The following EWSR1 variants were observed in gnomAD, a reference collection of about 807,000 sequenced individuals.
The protein encoded by EWSR1 is EWS RNA binding protein 1, also known as RNA-binding protein EWS.
In EWSR1, 14 loss-of-function variants were observed where a neutral mutation model predicts 92.1. That is an observed-to-expected ratio of 0.15 (90% CI 0.10 to 0.24). The LOEUF is 0.24. Among genes scored for constraint, EWSR1 ranks in the 10% least tolerant of loss-of-function variants. The pLI is 1.00. For synonymous variants in EWSR1, 303 were observed against 292.9 expected, an observed-to-expected ratio of 1.03 and a Z score of -0.35; for missense variants, 637 against 870.9, an observed-to-expected ratio of 0.73 and a Z score of 3.38.
At chr22:29,275,883 A>G (rs527874248) in intron 4 of EWSR1, 1 of 230,836 alleles carries the variant, frequency 4.3e-6, no homozygotes, top group South Asian at 1.8e-4. Context: ...GTCAGCACAT[A>G]GTAGGTGTGT....
chr22:29,280,769 G>A (rs985474889), intron 5 of EWSR1, among the ~76,000 whole-genome samples: 2 of 149,202 alleles, frequency 1.3e-5, no homozygotes, highest in African/African-American at 4.9e-5. Context: ...CGCCTCCGGG[G>A]TTCAAGTGAT....
chr22:29,286,588 G>A (rs1227333704), intron 6 of EWSR1, among the ~76,000 whole-genome samples: 1 of 150,958 alleles, frequency 6.6e-6, no homozygotes, highest in Non-Finnish European at 1.5e-5. Context: ...TCGGGAGGCT[G>A]CGGCAGGAGA....
At chr22:29,277,500 CA>C in intron 4 of EWSR1, 1 of 227,008 alleles carries the variant, frequency 4.4e-6, no homozygotes, top group Non-Finnish European at 8.7e-6. Flanking sequence ...TGCTTGGGAC[CA>C]AAAGAAAGTG....
At chr22:29,298,563 G>A (rs1004773813) in intron 13 of EWSR1, among the ~76,000 whole-genome samples, 170 bp from the exon 14 acceptor site, 1 of 151,900 alleles carries the variant, frequency 6.6e-6, no homozygotes, top group Non-Finnish European at 1.5e-5. Context: ...CGTGGAACAC[G>A]CTCCTCACAG....
chr22:29,292,582 C>A lies in EWSR1; in HGVS notation c.1140C>A (p.Phe380Leu). ...TGACTCTAGATGATCTGGCAGACTT[C>A]TTTAAGCAGTGTGGGGTTGTTAAGG... is the stretch of plus-strand genomic sequence containing the variant. ...DSVTLDDLADFFKQCGVVKMN... is the reference protein window; with the variant it reads ...DSVTLDDLADLFKQCGVVKMN... Residue 380 changes from phenylalanine to leucine, a missense_variant, in exon 11 of 17, where the codon TTC becomes TTA. Around this residue, in one of 5 missense-constraint regions of EWSR1, gnomAD observed 363 missense variants for 447.8 expected, o/e 0.81. Transcript: ENST00000397938. The A allele has an allele frequency of 6.2e-7, 1 of 1,613,558 alleles. No individual in the cohort carries two copies. Among genetic ancestry groups the A allele is most frequent in the Non-Finnish European group, 8.5e-7 (1 of 1,179,530 alleles).
At chr22:29,297,719 A>G in intron 12 of EWSR1, 108 bp from the exon 13 acceptor site, 1 of 1,419,868 alleles carries the variant, frequency 7.0e-7, no homozygotes, top group Non-Finnish European at 9.6e-7. Context: ...ATCTTAGAGA[A>G]GATTACAGGC....
intron 8 of EWSR1, chr22:29,289,017 A>G (rs2060251904): frequency 4.4e-6 from 2 of 453,138 alleles, no homozygotes; most frequent in East Asian, 3.7e-5. Flanking sequence ...AGAACAAAGA[A>G]TGGTTTTGAA....
rs771052631 is a variant in EWSR1, at chr22:29,299,626, G to C, written c.1706G>C (p.Gly569Ala). The stretch of plus-strand genomic sequence containing the variant: ...GGTGATCGTGGCAGAGGTGGCCCTG[G>C]TGGCATGCGGGGAGGAAGAGGTGGC... ...PGGDRGRGGPGGMRGGRGGLM... is the reference protein window; with the variant it reads ...PGGDRGRGGPAGMRGGRGGLM... Residue 569 changes from glycine (G) to alanine (A), a missense_variant, in exon 16 of 17, where the codon GGT becomes GCT. By Grantham distance (60) the Gly-to-Ala change is moderately conservative. Coordinates refer to ENST00000397938, the MANE Select transcript of EWSR1 (RefSeq NM_005243.4). 21 of 1,606,606 alleles carry C rather than the reference G, an allele frequency of 1.3e-5. No homozygotes were observed. The highest frequency in any genetic ancestry group is 2.1e-4 in the Middle Eastern group (1 of 4,686).
intron 8 of EWSR1, chr22:29,290,994 C>T (rs2060401978): frequency 4.2e-6 from 1 of 236,810 alleles, no homozygotes; most frequent in Middle Eastern, 1.3e-3. Context: ...CCTTTCACAG[C>T]GATTGTTAAA....
intron 11 of EWSR1, among the ~76,000 whole-genome samples, chr22:29,294,537 G>A (rs919339828): frequency 6.6e-5 from 10 of 151,686 alleles, no homozygotes; most frequent in East Asian, 2.0e-4. Context: ...CCTGGGAGGC[G>A]GAGCTTGCAG....
At position 29,288,678 on chromosome 22, in the gene EWSR1, G is replaced by T; in HGVS notation, c.866G>T (p.Gly289Val). 6.2e-7 allele frequency: 1 copy of T among 1,613,956 alleles called. No homozygotes were observed. Among genetic ancestry groups the T allele is most frequent in the South Asian group, 1.1e-5 (1 of 91,058 alleles). ...GQESGGFSGPGENRSMSGPDN... is the reference protein window; with the variant it reads ...GQESGGFSGPVENRSMSGPDN... Reference sequence around the variant, plus strand: ...GAGTCTGGAGGATTTTCCGGACCAGGAGAGAACCGGAGCATGAGTGGCCCT... The same window carrying T: ...GAGTCTGGAGGATTTTCCGGACCAGTAGAGAACCGGAGCATGAGTGGCCCT... The change falls in exon 8 of 17, where the codon GGA becomes GTA. Residue 289 changes from glycine to valine, a missense_variant. Gly to Val is a moderately radical substitution (Grantham distance 109, BLOSUM62 -3). This residue lies in a region of EWSR1 where 116 missense variants were observed against 167.8 expected (regional missense o/e 0.69). Transcript: ENST00000397938.
intron 6 of EWSR1, 31 bp from the exon 7 acceptor site, chr22:29,286,892 C>CTTTT: frequency 4.1e-6 from 5 of 1,210,400 alleles, no homozygotes; most frequent in Non-Finnish European, 5.8e-6. Context: ...TCTAAAAAAG[C>CTTTT]TTTTTTTTTT....
chr22:29,269,316 A>G, intron 1 of EWSR1: 1 of 152,210 alleles, frequency 6.6e-6, no homozygotes, highest in Middle Eastern at 3.2e-3. Flanking sequence ...AGGAGAGGGG[A>G]AAAAAGGCCA....
chr22:29,282,781 G>A (rs565892297), intron 6 of EWSR1, among the ~76,000 whole-genome samples: 72 of 141,134 alleles, frequency 5.1e-4, no homozygotes, highest in African/African-American at 1.7e-3. Context: ...TTTTTCCCCC[G>A]AGACGGAGTC....
At chr22:29,286,858 G>A in intron 6 of EWSR1, 65 bp from the exon 7 acceptor site, 1 of 1,256,216 alleles carries the variant, frequency 8.0e-7, no homozygotes, top group Non-Finnish European at 1.1e-6. Context: ...TTTTATTCAG[G>A]GGATTTGAAA....
rs1471165897 is a variant in EWSR1 at position 29,277,267 on chromosome 22, A to G, written c.227-763A>G. The G allele has an allele frequency of 3.5e-5, 8 of 226,858 alleles. No homozygotes were observed. In the East Asian group the frequency reaches 5.1e-4, roughly 14 times the overall value. The allele number at this position is 226,858 out of a possible 1,614,324, so 14.1% of individuals were successfully genotyped here. A position where few individuals can be genotyped will look rare whatever the true frequency, so the allele number is the denominator to read the frequency against. Reference sequence around the variant, plus strand: ...AGGAAAAAGGCCTTTTGCTTGTGGTAGGTAAGTAAGAGGAATGGAGCTGAG... The same window carrying G: ...AGGAAAAAGGCCTTTTGCTTGTGGTGGGTAAGTAAGAGGAATGGAGCTGAG... On this transcript the variant is annotated intron_variant, in intron 4 of 16. Transcript: ENST00000397938.
rs773739451 is a variant in EWSR1 at position 29,297,904 on chromosome 22, C to G, written c.1372C>G (p.Leu458Val). Residue 458 changes from leucine (L) to valine (V), a missense_variant, in exon 13 of 17, where the codon CTG (leucine) becomes GTG (valine). Coordinates refer to ENST00000397938, the MANE Select transcript of EWSR1 (RefSeq NM_005243.4). Reference protein sequence around the residue: ...KPPMNSMRGGLPPREGRGMPP... With the variant: ...KPPMNSMRGGVPPREGRGMPP... ...TCCAATGAACAGTATGCGGGGTGGT[C>G]TGCCACCCCGTGAGGGCAGAGGCAT... 6.2e-7 allele frequency: 1 copy of G among 1,613,734 alleles called. No homozygotes were observed. The highest frequency in any genetic ancestry group is 2.2e-5 in the East Asian group (1 of 44,874).
At chr22:29,279,175 G>A (rs571107017) in intron 5 of EWSR1, among the ~76,000 whole-genome samples, 28 of 152,152 alleles carry the variant, frequency 1.8e-4, no homozygotes, top group African/African-American at 5.8e-4. Context: ...ATAACTGATA[G>A]AATTGTACTT....
rs781689077 is a variant in EWSR1, at chr22:29,298,833, A to C, written c.1518A>C (p.Arg506=). 7.5e-6 allele frequency: 12 copies of C among 1,595,464 alleles called. No homozygotes were observed. Among genetic ancestry groups the C allele is most frequent in the East Asian group, 2.2e-5 (1 of 44,782 alleles). Residue 506 remains arginine (R), a synonymous_variant, in exon 14 of 17, where the codon CGA becomes CGC. Coordinates refer to ENST00000397938, the MANE Select transcript of EWSR1 (RefSeq NM_005243.4). The part of the protein sequence containing the change: ...GFPPRGPRGS[R]GNPSGGGNVQ... ...CTCCAAGAGGACCCCGGGGTTCCCG[A>C]GGGAACCCCTCTGGAGGAGGAAACG...
Sources: gnomAD v4.1 joint callset for allele counts (sites outside exome capture counted in the v4.1 genomes callset) on GRCh38, gnomAD v4.1.1 for gene constraint, gnomAD v4.1.1 regional missense constraint, MANE v1.5 for transcripts, NCBI Gene and HGNC (gene_info 2026-07-23, HGNC 2026-07-21) for gene names.